The following LHFPL3 variants were observed in gnomAD, a reference collection of about 807,000 sequenced individuals.
The protein encoded by LHFPL3 is LHFPL tetraspan subfamily member 3 protein.
Under a neutral mutation model 19.3 loss-of-function variants are expected in LHFPL3, and 5 were observed. The ratio of observed to expected loss-of-function variants is 0.26; its 90% CI spans 0.14 to 0.54. The LOEUF is 0.54. LHFPL3 is among the 20% of genes least tolerant of loss of function. LHFPL3 has a pLI of 0.94. For missense variants in LHFPL3, 249 were observed against 307.4 expected (o/e 0.81, Z 1.42); for synonymous variants, 133 against 126.2 (o/e 1.05, Z -0.36).
chr7:104,643,170 C>T (rs1791867971), intron 1 of LHFPL3, among the ~76,000 whole-genome samples: 1 of 152,152 alleles, frequency 6.6e-6, no homozygotes, highest in South Asian at 2.1e-4. Context: ...CTAATTTGTT[C>T]ATCTGGCTCT....
intron 1 of LHFPL3, among the ~76,000 whole-genome samples, chr7:104,362,037 C>G (rs1790397787): frequency 6.6e-6 from 1 of 152,198 alleles, no homozygotes. Flanking sequence ...CAGAAATGCT[C>G]CTGGACTTTT....
chr7:104,522,983 TG>T (rs1794103034), intron 1 of LHFPL3, among the ~76,000 whole-genome samples: 1 of 151,760 alleles, frequency 6.6e-6, no homozygotes, highest in African/African-American at 2.4e-5. Context: ...TGTGTGTGTG[TG>T]TGTGTGTATG....
chr7:104,799,047 C>T (rs1017134499), intron 2 of LHFPL3, among the ~76,000 whole-genome samples: 3 of 152,140 alleles, frequency 2.0e-5, no homozygotes, highest in East Asian at 1.9e-4. Context: ...ACATCCTGTC[C>T]GGTTGTTGAG....
chr7:104,768,269 G>A (rs1794494152), intron 2 of LHFPL3, among the ~76,000 whole-genome samples: 1 of 152,182 alleles, frequency 6.6e-6, no homozygotes, highest in Admixed American at 6.5e-5. Flanking sequence ...TCAGTGGGCT[G>A]AGGGAGTCTG....
intron 1 of LHFPL3, among the ~76,000 whole-genome samples, chr7:104,621,255 T>C (rs1173875898): frequency 6.6e-6 from 1 of 152,042 alleles, no homozygotes; most frequent in Non-Finnish European, 1.5e-5. Context: ...TGAATCGGGG[T>C]TTTCTCCCTT....
chr7:104,669,295 G>A lies in LHFPL3; in HGVS notation c.446-67380G>A, dbSNP rs575584648. 1.9e-6 allele frequency: 3 copies of A among 1,613,996 alleles called. No individual in the cohort carries two copies. The Admixed American group carries it at 5.0e-5, about 27-fold the overall frequency. On this transcript the variant is annotated intron_variant, in intron 1 of 2. Transcript: ENST00000424859. ...AAAAGTAGCTCCAGCTCAACCATCT[G>A]AGGAAGGACCAGGAAGGAAAGATGA...
At chr7:104,594,750 T>G (rs1011015308) in intron 1 of LHFPL3, among the ~76,000 whole-genome samples, 2 of 152,234 alleles carry the variant, frequency 1.3e-5, no homozygotes, top group Non-Finnish European at 2.9e-5. Flanking sequence ...TTCCTGTTTT[T>G]TCTCTAACCT....
rs374266963 is a variant in LHFPL3 at position 104,849,432 on chromosome 7, C to T, written c.683-56755C>T. Among the ~76,000 whole-genome samples, 297 of 152,338 alleles carry T rather than the reference C, an allele frequency of 1.9e-3. 2 individuals are homozygous for T. The highest frequency in any genetic ancestry group is 3.3e-3 in the Non-Finnish European group (223 of 68,034). On this transcript the variant is annotated intron_variant, in intron 2 of 2. Transcript: ENST00000424859. ...TAATTTGCTCCCTCAGGGCCCTGCA[C>T]AGACCAGCCTGGCTCCTGGGGGCTG...
intron 1 of LHFPL3, among the ~76,000 whole-genome samples, chr7:104,341,253 G>A (rs1465993585): frequency 1.3e-5 from 2 of 152,264 alleles, no homozygotes; most frequent in South Asian, 2.1e-4. Context: ...TGAAGGTTAT[G>A]TTGTTCTATT....
chr7:104,433,344 A>C (rs1275989539), intron 1 of LHFPL3, among the ~76,000 whole-genome samples: 2 of 152,168 alleles, frequency 1.3e-5, no homozygotes, highest in East Asian at 3.9e-4. Flanking sequence ...TGACTTCACA[A>C]ATGCCCTGAA....
chr7:104,349,364 A>T (rs1260213397), intron 1 of LHFPL3, among the ~76,000 whole-genome samples: 4 of 152,318 alleles, frequency 2.6e-5, no homozygotes, highest in South Asian at 2.1e-4. Flanking sequence ...AAATAAGAAA[A>T]ATGTATAAAA....
At chr7:104,580,377 G>A (rs939206420) in intron 1 of LHFPL3, among the ~76,000 whole-genome samples, 2 of 152,062 alleles carry the variant, frequency 1.3e-5, no homozygotes, top group African/African-American at 4.8e-5. Context: ...GAATTGTACA[G>A]TGATCACCCA....
intron 1 of LHFPL3, among the ~76,000 whole-genome samples, chr7:104,338,016 C>G (rs769677532): frequency 1.2e-4 from 18 of 149,710 alleles, no homozygotes; most frequent in Middle Eastern, 3.3e-3. Flanking sequence ...AACATTAGAA[C>G]TTGGATTAAA....
chr7:104,337,918 T>A lies in LHFPL3; in HGVS notation c.445+8694T>A, dbSNP rs1156241. On this transcript the variant is annotated intron_variant, in intron 1 of 2. Coordinates refer to ENST00000424859, the MANE Select transcript of LHFPL3 (RefSeq NM_199000.3). ...ACCACTTGGTATGTTATAAAAACCT[T>A]CATAGAGAAAGGAATGCTCTACTGT... is the stretch of plus-strand genomic sequence containing the variant. Among the ~76,000 whole-genome samples the A allele has an allele frequency of 7.9e-3, 1,207 of 152,240 alleles. 82 individuals carry two copies. The East Asian group carries it at 0.17, about 22-fold the overall frequency.
At chr7:104,430,406 A>ATATATATGTATATATATATATATATG (rs1791955493) in intron 1 of LHFPL3, among the ~76,000 whole-genome samples, 3 of 31,428 alleles carry the variant, frequency 9.5e-5, no homozygotes, top group African/African-American at 4.2e-4. Flanking sequence ...ATATATATAC[A>ATATATATGTATATATATATATATATG]TATATATATA....
At chr7:104,569,856 T>G (rs1441822761) in intron 1 of LHFPL3, among the ~76,000 whole-genome samples, 1 of 152,172 alleles carries the variant, frequency 6.6e-6, no homozygotes, top group African/African-American at 2.4e-5. Flanking sequence ...CAAACCCAAC[T>G]CTGTTTGACA....
intron 1 of LHFPL3, among the ~76,000 whole-genome samples, chr7:104,382,424 G>T (rs1790845611): frequency 2.0e-5 from 3 of 152,204 alleles, no homozygotes; most frequent in Admixed American, 2.0e-4. Flanking sequence ...GTAGGTGGAG[G>T]TTGCTGTGAG....
At chr7:104,697,331 G>A (rs991002496) in intron 1 of LHFPL3, among the ~76,000 whole-genome samples, 3 of 152,158 alleles carry the variant, frequency 2.0e-5, no homozygotes, top group Non-Finnish European at 4.4e-5. Context: ...ATTAAACAAT[G>A]CAAGTGCTTT....
intron 1 of LHFPL3, among the ~76,000 whole-genome samples, chr7:104,591,425 G>C (rs1035839307): frequency 6.6e-6 from 1 of 152,218 alleles, no homozygotes; most frequent in Non-Finnish European, 1.5e-5. Flanking sequence ...TTTTCTTTAA[G>C]AATGTTGAAT....
Sources: gnomAD v4.1 joint callset for allele counts (sites outside exome capture counted in the v4.1 genomes callset) on GRCh38, gnomAD v4.1.1 for gene constraint, MANE v1.5 for transcripts, NCBI Gene and HGNC (gene_info 2026-07-23, HGNC 2026-07-21) for gene names.